Variants in HDAC9 observed in about 807,000 individuals in gnomAD.
The protein encoded by HDAC9 is histone deacetylase 9.
Under a neutral mutation model 139.4 loss-of-function variants are expected in HDAC9, and 41 were observed. The ratio of observed to expected loss-of-function variants is 0.29; its 90% confidence interval spans 0.23 to 0.38. HDAC9 has a LOEUF of 0.38. Ranked by LOEUF, HDAC9 falls within the 10% of genes least tolerant of loss-of-function variation. The pLI, the probability that HDAC9 is intolerant of heterozygous loss-of-function variation, is 1.00. For missense variants in HDAC9, 1,147 were observed against 1,297.0 expected (o/e 0.88, Z 1.78); for synonymous variants, 517 against 476.2 (o/e 1.09, Z -1.12).
In HDAC9 at chr7:18,629,322, ATT is replaced by A. The variant is rs67361882; in HGVS notation, c.665-16_665-15del. On this transcript the variant is annotated intron_variant, in intron 6 of 25. Coordinates refer to ENST00000686413, the MANE Select transcript of HDAC9 (RefSeq NM_178425.4). Reference sequence around the variant, plus strand: ...CTCTCTATTTTTTTAATTTTTATCTATTTTTTTTTTTTTGTCTCAATCCCCAG... The same window carrying A: ...CTCTCTATTTTTTTAATTTTTATCTATTTTTTTTTTTGTCTCAATCCCCAG... 9.2e-3 allele frequency: 11,363 copies of A among 1,232,404 alleles called. 39 individuals are homozygous for A. Among genetic ancestry groups the A allele is most frequent in the African/African-American group, 0.035 (2,127 of 60,542 alleles). The allele number at this position is 1,232,404 out of a possible 1,614,324, so 76.3% of individuals were successfully genotyped here.
chr7:18,560,372 T>C (rs867796963), intron 2 of HDAC9, among the ~76,000 whole-genome samples: 5 of 152,178 alleles, frequency 3.3e-5, no homozygotes, highest in Non-Finnish European at 7.4e-5. Context: ...TCTATACATA[T>C]TAATTTCTTA....
intron 2 of HDAC9, among the ~76,000 whole-genome samples, chr7:18,562,165 T>C (rs963212637): frequency 4.6e-5 from 7 of 152,144 alleles, no homozygotes; most frequent in African/African-American, 1.7e-4. Context: ...TCTTTGTCTG[T>C]TTTTTAATTG....
At chr7:18,567,012 C>G (rs1176842404) in intron 2 of HDAC9, among the ~76,000 whole-genome samples, 1 of 152,174 alleles carries the variant, frequency 6.6e-6, no homozygotes, top group Non-Finnish European at 1.5e-5. Context: ...CTAGCTTCCT[C>G]TTTGCTAAAG....
chr7:18,743,673 A>G (rs1281384772), intron 13 of HDAC9, among the ~76,000 whole-genome samples: 2 of 151,848 alleles, frequency 1.3e-5, no homozygotes, highest in South Asian at 2.1e-4. Context: ...CAGAGTGAGA[A>G]CCTGTCTCTA....
At chr7:18,924,181 T>C (rs1804007198) in intron 22 of HDAC9, among the ~76,000 whole-genome samples, 1 of 151,974 alleles carries the variant, frequency 6.6e-6, no homozygotes, top group African/African-American at 2.4e-5. Context: ...GCTTATTAGA[T>C]GCTTATGAAT....
At chr7:18,756,345 A>G (rs1389805639) in intron 14 of HDAC9, among the ~76,000 whole-genome samples, 1 of 152,234 alleles carries the variant, frequency 6.6e-6, no homozygotes, top group Non-Finnish European at 1.5e-5. Context: ...AAAAATTATT[A>G]AAAGCGTTTA....
chr7:18,230,702 T>A (rs887414423), intron 2 of HDAC9, among the ~76,000 whole-genome samples: 4 of 152,196 alleles, frequency 2.6e-5, no homozygotes, highest in African/African-American at 9.6e-5. Flanking sequence ...TTCTAAGGCA[T>A]CTCAAATCCT....
chr7:18,648,794 G>C, intron 11 of HDAC9, 111 bp downstream of exon 11: 1 of 893,314 alleles, frequency 1.1e-6, no homozygotes, highest in Non-Finnish European at 1.8e-6. Context: ...CAGCAAAAAG[G>C]ATGTGATCAT....
intron 12 of HDAC9, among the ~76,000 whole-genome samples, chr7:18,672,098 T>C (rs2129084245): frequency 6.6e-6 from 1 of 152,122 alleles, no homozygotes; most frequent in Non-Finnish European, 1.5e-5. Context: ...CTGGGTAATA[T>C]GGTAACTGTT....
chr7:18,322,433 G>A (rs972459607), intron 1 of HDAC9, among the ~76,000 whole-genome samples: 10 of 152,178 alleles, frequency 6.6e-5, no homozygotes, highest in African/African-American at 2.4e-4. Flanking sequence ...TTACCTCCAA[G>A]AGTATAGTTA....
chr7:18,307,324 G>T (rs1034384558), intron 1 of HDAC9, among the ~76,000 whole-genome samples: 4 of 152,040 alleles, frequency 2.6e-5, no homozygotes, highest in Admixed American at 6.6e-5. Context: ...AAGTTCTGAC[G>T]TGTATTAGAA....
chr7:18,667,339 A>G, intron 12 of HDAC9: 1 of 984,648 alleles, frequency 1.0e-6, no homozygotes, highest in Non-Finnish European at 1.2e-6. Flanking sequence ...ATATTATCTG[A>G]TATCAAGTCA....
At chr7:18,355,336 G>A (rs781666218) in intron 1 of HDAC9, among the ~76,000 whole-genome samples, 6 of 151,990 alleles carry the variant, frequency 3.9e-5, no homozygotes, top group Non-Finnish European at 7.4e-5. Context: ...CAAGAGTCTG[G>A]GTTCTTGGGA....
At chr7:18,095,496 T>C (rs978186286) in intron 1 of HDAC9, among the ~76,000 whole-genome samples, 1 of 152,140 alleles carries the variant, frequency 6.6e-6, no homozygotes, top group African/African-American at 2.4e-5. Context: ...TGTGGCTCGC[T>C]AGAGATTCAT....
intron 12 of HDAC9, among the ~76,000 whole-genome samples, chr7:18,673,682 A>G (rs1234433196): frequency 1.3e-5 from 2 of 152,004 alleles, no homozygotes; most frequent in Admixed American, 1.3e-4. Flanking sequence ...GATCGTCTTC[A>G]TCTCATTTTG....
intron 24 of HDAC9, among the ~76,000 whole-genome samples, chr7:18,974,729 G>A (rs901436628): frequency 6.6e-6 from 1 of 152,098 alleles, no homozygotes; most frequent in Non-Finnish European, 1.5e-5. Context: ...AGAAATAAAG[G>A]CCACTCATAA....
intron 1 of HDAC9, among the ~76,000 whole-genome samples, chr7:18,347,242 T>C (rs1782487567): frequency 6.6e-6 from 1 of 152,216 alleles, no homozygotes; most frequent in African/African-American, 2.4e-5. Context: ...AAGCATATTA[T>C]AAATTTTCCC....
At chr7:18,498,177 G>A (rs1797425425) in intron 2 of HDAC9, among the ~76,000 whole-genome samples, 1 of 152,090 alleles carries the variant, frequency 6.6e-6, no homozygotes, top group African/African-American at 2.4e-5. Flanking sequence ...TTTTTAAAAT[G>A]TGAAGCATAA....
Position 18,694,214 on chromosome 7 carries a change from C to G in HDAC9, c.1731+27738C>G, listed in dbSNP as rs923965634. On this transcript the variant is annotated intron_variant, in intron 12 of 25. Transcript: ENST00000686413. Reference sequence around the variant, plus strand: ...AACTGAGGCTGAAAAAAGAAAAGACCAGTAGACAGAAACTCCATAGTTTTT... The same window carrying G: ...AACTGAGGCTGAAAAAAGAAAAGACGAGTAGACAGAAACTCCATAGTTTTT... 2.0e-5 allele frequency among the ~76,000 whole-genome samples: 3 copies of G among 152,128 alleles called. No homozygotes were observed. The East Asian group carries it at 5.8e-4, about 29-fold the overall frequency.
Sources: allele counts gnomAD v4.1 joint callset (sites outside exome capture counted in the v4.1 genomes callset), GRCh38; gene constraint gnomAD v4.1.1; transcripts MANE v1.5; gene names NCBI Gene and HGNC (gene_info 2026-07-23, HGNC 2026-07-21).